The following GTF2B variants were observed in gnomAD, a reference collection of about 807,000 sequenced individuals.
GTF2B encodes the protein general transcription factor IIB.
Under a neutral mutation model 34.6 loss-of-function variants are expected in GTF2B, and 20 were observed. The observed-to-expected ratio is 0.58, with a 90% CI of 0.41 to 0.84. The LOEUF (loss-of-function observed/expected upper bound fraction) is 0.84, where lower values mean the gene tolerates loss of function less well. GTF2B is among the 40% of genes least tolerant of loss of function. The pLI, the probability that GTF2B is intolerant of heterozygous loss-of-function variation, is 0.00. For missense variants in GTF2B, 237 were observed against 393.3 expected, an observed-to-expected ratio of 0.60 and a Z score of 3.36; for synonymous variants, 142 against 132.4, an observed-to-expected ratio of 1.07 and a Z score of -0.50.
chr1:88,879,577 C>A (rs1366566935), intron 2 of GTF2B, among the ~76,000 whole-genome samples: 10 of 131,678 alleles, frequency 7.6e-5, no homozygotes, highest in Non-Finnish European at 1.5e-4. Flanking sequence ...GAGTGAGATT[C>A]CATCTTAAAA....
At chr1:88,887,529 T>A (rs1269947632) in intron 1 of GTF2B, among the ~76,000 whole-genome samples, 162 bp from the exon 2 acceptor site, 1 of 151,696 alleles carries the variant, frequency 6.6e-6, no homozygotes, top group Non-Finnish European at 1.5e-5. Context: ...CCAGTTAGGT[T>A]ATTTTAAATT....
chr1:88,872,509 G>A (rs868737201), intron 2 of GTF2B, among the ~76,000 whole-genome samples: 1 of 144,108 alleles, frequency 6.9e-6, no homozygotes, highest in African/African-American at 2.5e-5. Context: ...CTGGTTGGTT[G>A]CAAGTCTCTA....
intron 2 of GTF2B, among the ~76,000 whole-genome samples, chr1:88,885,303 AG>A (rs1674039632): frequency 6.6e-6 from 1 of 151,484 alleles, no homozygotes; most frequent in Non-Finnish European, 1.5e-5. Flanking sequence ...AGCCAGGTGT[AG>A]TAGTGGGCCC....
intron 2 of GTF2B, among the ~76,000 whole-genome samples, chr1:88,882,258 G>A (rs962512854): frequency 2.0e-5 from 3 of 147,220 alleles, no homozygotes; most frequent in Non-Finnish European, 4.5e-5. Flanking sequence ...TGCAGTGAGC[G>A]GAGATCGTGC....
intron 2 of GTF2B, among the ~76,000 whole-genome samples, chr1:88,871,046 C>T (rs764108950): frequency 3.3e-5 from 5 of 152,094 alleles, no homozygotes; most frequent in Non-Finnish European, 5.9e-5. Context: ...GGACTACAGG[C>T]GTGTGCCACC....
chr1:88,865,565 T>C (rs1673529162), intron 2 of GTF2B, among the ~76,000 whole-genome samples: 1 of 151,964 alleles, frequency 6.6e-6, no homozygotes, highest in African/African-American at 2.4e-5. Context: ...CTACTAAAAA[T>C]ACAAAATTAG....
At chr1:88,867,878 A>T (rs978196316) in intron 2 of GTF2B, among the ~76,000 whole-genome samples, 1 of 152,212 alleles carries the variant, frequency 6.6e-6, no homozygotes, top group Non-Finnish European at 1.5e-5. Flanking sequence ...ATTTTTCCAC[A>T]TACGTAGGAA....
At chr1:88,887,409 A>G (rs747648426) in intron 1 of GTF2B, 42 bp from the exon 2 acceptor site, 1 of 1,133,080 alleles carries the variant, frequency 8.8e-7, no homozygotes, top group African/African-American at 1.5e-5. Context: ...CCCAACCAAC[A>G]TGTATCAAAT....
At chr1:88,886,433 A>G (rs1201859781) in intron 2 of GTF2B, among the ~76,000 whole-genome samples, 1 of 152,234 alleles carries the variant, frequency 6.6e-6, no homozygotes, top group East Asian at 1.9e-4. Flanking sequence ...GTGTGCAAGT[A>G]GGAACAAGGT....
chr1:88,891,501 T>C lies in GTF2B; in HGVS notation c.-2A>G, dbSNP rs1674209040. Reference sequence around the variant, plus strand: ...TACTAACCGGCTGGTAGACGCCATCTTCACGGCGACTGCGGTGCCCGCAAC... The same window carrying C: ...TACTAACCGGCTGGTAGACGCCATCCTCACGGCGACTGCGGTGCCCGCAAC... On this transcript the variant is annotated 5_prime_UTR_variant, in exon 1 of 7. Coordinates refer to ENST00000370500, the MANE Select transcript of GTF2B (RefSeq NM_001514.6). 1 of 1,602,648 alleles carries C rather than the reference T, an allele frequency of 6.2e-7. No individual in the cohort carries two copies. Among genetic ancestry groups the C allele is most frequent in the Non-Finnish European group, 8.5e-7 (1 of 1,174,344 alleles).
chr1:88,871,898 A>AT lies in GTF2B; in HGVS notation c.125-7785dup, dbSNP rs1367990198. 2.0e-5 allele frequency among the ~76,000 whole-genome samples: 3 copies of AT among 151,684 alleles called. No individual in the cohort carries two copies. In the East Asian group the frequency reaches 5.9e-4, roughly 30 times the overall value. On this transcript the variant is annotated intron_variant, in intron 2 of 6. Transcript: ENST00000370500. Reference sequence around the variant, plus strand: ...AGGCATCCACCACCACGCCCAGCTAATTTTTTGTATTTTTAGTAGAGACAG... The same window carrying AT: ...AGGCATCCACCACCACGCCCAGCTAATTTTTTTGTATTTTTAGTAGAGACAG...
At chr1:88,867,304 G>C (rs1371284789) in intron 2 of GTF2B, among the ~76,000 whole-genome samples, 3 of 152,114 alleles carry the variant, frequency 2.0e-5, no homozygotes, top group African/African-American at 7.2e-5. Context: ...TTTAGATACT[G>C]TGCCTGTTTC....
chr1:88,887,408 C>G (rs374591745), intron 1 of GTF2B, 41 bp from the exon 2 acceptor site: 48 of 1,166,682 alleles, frequency 4.1e-5, no homozygotes, highest in East Asian at 1.6e-4. Context: ...TCCCAACCAA[C>G]ATGTATCAAA....
intron 6 of GTF2B, among the ~76,000 whole-genome samples, chr1:88,855,024 A>C (rs1673271955): frequency 6.6e-6 from 1 of 152,262 alleles, no homozygotes; most frequent in South Asian, 2.1e-4. Flanking sequence ...TTACATTTGA[A>C]GAAGACTTTA....
chr1:88,882,404 C>T (rs564414655), intron 2 of GTF2B, among the ~76,000 whole-genome samples: 11 of 150,812 alleles, frequency 7.3e-5, no homozygotes, highest in African/African-American at 2.7e-4. Context: ...CTGTCTCACT[C>T]GTACACATTA....
At position 88,859,876 on chromosome 1, in the gene GTF2B, A is replaced by C; in HGVS notation, c.535+6T>G. 1 of 1,609,030 alleles carries C rather than the reference A, an allele frequency of 6.2e-7. No individual in the cohort carries two copies. The highest frequency in any genetic ancestry group is 8.5e-7 in the Non-Finnish European group (1 of 1,177,372). ...CAAACACAAAAAAACAAAGCTAAAA[A>C]CTTACCTTTAAATGTCCTAGGAACC... is the stretch of plus-strand genomic sequence containing the variant. On this transcript the variant is annotated splice_donor_region_variant and intron_variant, in intron 5 of 6. Transcript: ENST00000370500.
At chr1:88,869,617 G>A (rs1047952761) in intron 2 of GTF2B, among the ~76,000 whole-genome samples, 10 of 152,056 alleles carry the variant, frequency 6.6e-5, no homozygotes, top group Non-Finnish European at 1.5e-4. Context: ...TTGGCAAGTG[G>A]CATAAAATGA....
intron 2 of GTF2B, among the ~76,000 whole-genome samples, chr1:88,876,758 C>T (rs4528095): frequency 0.93 from 141,803 of 152,276 alleles, 66,146 homozygotes; most frequent in Admixed American, 0.96. Flanking sequence ...ATTATTTCAT[C>T]TGACTCAGCA....
At chr1:88,861,973 A>G (rs1050369543) in intron 3 of GTF2B, among the ~76,000 whole-genome samples, 1 of 152,252 alleles carries the variant, frequency 6.6e-6, no homozygotes. Flanking sequence ...AGAGCTGAAG[A>G]GGAAAATCAT....
Sources: gnomAD v4.1 joint callset for allele counts (sites outside exome capture counted in the v4.1 genomes callset) on GRCh38, gnomAD v4.1.1 for gene constraint, MANE v1.5 for transcripts, NCBI Gene and HGNC (gene_info 2026-07-23, HGNC 2026-07-21) for gene names.